The following FGF18 variants were observed in gnomAD, a reference collection of about 807,000 sequenced individuals.
The protein encoded by FGF18 is fibroblast growth factor 18.
In FGF18, 5 loss-of-function variants were observed where a neutral mutation model predicts 23.0. That is an observed-to-expected ratio of 0.22 (90% CI 0.11 to 0.46). The LOEUF is 0.46. FGF18 is among the 20% of genes least tolerant of loss of function. The pLI is 0.99. For synonymous variants in FGF18, 117 were observed against 118.9 expected, an observed-to-expected ratio of 0.98 and a Z score of 0.10; for missense variants, 180 against 291.6, an observed-to-expected ratio of 0.62 and a Z score of 2.79.
chr5:171,420,513 GC>G, intron 2 of FGF18, 70 bp downstream of exon 2: 1 of 1,458,114 alleles, frequency 6.9e-7, no homozygotes. Context: ...CCCTTCCCCG[GC>G]CGCGCCCCCT....
chr5:171,449,838 C>T lies in FGF18; in HGVS notation c.357+585C>T, dbSNP rs1221835453. On this transcript the variant is annotated intron_variant, in intron 4 of 4. Transcript: ENST00000274625. The stretch of plus-strand genomic sequence containing the variant: ...TAGGGTGGGGGCAGGAGTGGGGGTG[C>T]AGGTTGGGGGGACCCTCGGGTTGGG... Among the ~76,000 whole-genome samples, 16 of 86,562 alleles carry T rather than the reference C, an allele frequency of 1.8e-4. No individual in the cohort carries two copies. In the East Asian group the frequency reaches 4.4e-3, roughly 24 times the overall value. 56.8% of individuals were successfully genotyped at this position (86,562 alleles called of 152,430 possible).
chr5:171,444,059 T>TC (rs5873259), intron 3 of FGF18, among the ~76,000 whole-genome samples: 82,375 of 151,764 alleles, frequency 0.54, 22,466 homozygotes, highest in South Asian at 0.6. Flanking sequence ...CCTGAGGGTT[T>TC]CCCATCTCCC....
In FGF18 at chr5:171,436,168, C is replaced by T. The variant is rs1772242697; in HGVS notation, c.145C>T (p.Arg49Cys). The T allele has an allele frequency of 5.0e-6, 8 of 1,607,436 alleles. No homozygotes were observed. The highest frequency in any genetic ancestry group is 1.3e-5 in the African/African-American group (1 of 74,698). ...NQTRARDDVS[R>C]KQLRLYQLYS... ...GACGCGGGCTCGGGACGATGTGAGC[C>T]GTAAGCAGCTGCGGCTGTACCAGCT... is the stretch of plus-strand genomic sequence containing the variant. The change falls in exon 3 of 5, where the codon CGT (arginine) becomes TGT (cysteine). Residue 49 changes from arginine (R) to cysteine (C), a missense_variant. This residue lies in a region of FGF18 where 83 missense variants were observed against 190.4 expected (regional missense o/e 0.44). Coordinates refer to ENST00000274625, the MANE Select transcript of FGF18 (RefSeq NM_003862.3). This position sits in a 1 kb window ranked among gnomAD's most constrained non-coding sequence, Gnocchi z 4.4.
At chr5:171,438,904 G>A (rs555609501) in intron 3 of FGF18, among the ~76,000 whole-genome samples, 126 of 151,992 alleles carry the variant, frequency 8.3e-4, no homozygotes, top group Non-Finnish European at 1.7e-3. Flanking sequence ...TCAGGGGGAG[G>A]GGCTGCCAGA....
At position 171,427,833 on chromosome 5, in the gene FGF18, C is replaced by T. The variant is rs183807378; in HGVS notation, c.69+7390C>T. On this transcript the variant is annotated intron_variant, in intron 2 of 4. Coordinates refer to ENST00000274625, the MANE Select transcript of FGF18 (RefSeq NM_003862.3). ...CCCATCCCACCTTCTGCCTTGGAAT[C>T]GCATAGCGCTTGGCCACTGTCTTTG... 2.5e-3 allele frequency among the ~76,000 whole-genome samples: 382 copies of T among 152,336 alleles called. 2 individuals carry two copies. The highest frequency in any genetic ancestry group is 6.8e-3 in the South Asian group (33 of 4,832).
intron 3 of FGF18, among the ~76,000 whole-genome samples, chr5:171,444,082 A>G (rs1483876641): frequency 6.6e-6 from 1 of 152,032 alleles, no homozygotes; most frequent in Non-Finnish European, 1.5e-5. Context: ...TATCAAAGGT[A>G]TCTTTCTCAG....
At chr5:171,420,334 G>C (rs1480776270) in intron 1 of FGF18, 73 bp from the exon 2 acceptor site, 34 of 1,606,270 alleles carry the variant, frequency 2.1e-5, no homozygotes, top group Non-Finnish European at 2.7e-5. Context: ...CTGACTCTTC[G>C]ACTGCGTGTC....
intron 3 of FGF18, among the ~76,000 whole-genome samples, chr5:171,447,441 C>T (rs1295680610): frequency 6.6e-6 from 1 of 152,238 alleles, no homozygotes; most frequent in Non-Finnish European, 1.5e-5. Context: ...GTGCCCACCG[C>T]CATCTCAGCG....
chr5:171,430,477 A>G (rs1244609063), intron 2 of FGF18, among the ~76,000 whole-genome samples: 1 of 151,902 alleles, frequency 6.6e-6, no homozygotes, highest in African/African-American at 2.4e-5. Context: ...TGCCTGATTA[A>G]GAAACAAAAC....
chr5:171,449,396 TGTGTGAGAGAGA>T (rs1561890755), intron 4 of FGF18, 143 bp downstream of exon 4: 4 of 522,450 alleles, frequency 7.7e-6, no homozygotes, highest in Non-Finnish European at 1.4e-5. Context: ...TGTGTGTGTG[TGTGTGAGAGAGA>T]GAGAGAGAGA....
At chr5:171,450,266 G>T (rs1772478932) in intron 4 of FGF18, among the ~76,000 whole-genome samples, 1 of 152,160 alleles carries the variant, frequency 6.6e-6, no homozygotes, top group Non-Finnish European at 1.5e-5. Context: ...AATCCCCCAA[G>T]TCTTATCCCT....
chr5:171,449,360 CGTGTGTGTGTGTGTGTGTGT>C (rs56932885), intron 4 of FGF18, 107 bp downstream of exon 4: 36 of 187,208 alleles, frequency 1.9e-4, no homozygotes, highest in African/African-American at 9.0e-4. Flanking sequence ...GAAAACAGGC[CGTGTGTGTGTGTGTGTGTGT>C]GTGTGTGTGT....
rs568168580 is a variant in FGF18 at position 171,424,794 on chromosome 5, G to C, written c.69+4351G>C. On this transcript the variant is annotated intron_variant, in intron 2 of 4. Transcript: ENST00000274625. ...CCCAGAGTTAGAGGGGGGTACTTGG[G>C]GGCTGGGGCCCAGAGGATTCAGCAC... 4.3e-3 allele frequency among the ~76,000 whole-genome samples: 647 copies of C among 151,670 alleles called. 2 individuals are homozygous for C. The highest frequency in any genetic ancestry group is 0.015 in the African/African-American group (622 of 41,296).
chr5:171,440,304 T>C lies in FGF18; in HGVS notation c.250+4031T>C, dbSNP rs898811239. On this transcript the variant is annotated intron_variant, in intron 3 of 4. Coordinates refer to ENST00000274625, the MANE Select transcript of FGF18 (RefSeq NM_003862.3). The surrounding 1 kb of genome is among the most constrained non-coding windows in gnomAD (Gnocchi z 4.0). ...GCTCCAGAGGCTTCCAGAAAGGACC[T>C]GAGGGAAGAAGCGGTACTCCTGTCT... 2.0e-5 allele frequency among the ~76,000 whole-genome samples: 3 copies of C among 152,128 alleles called. No homozygotes were observed. Among genetic ancestry groups the C allele is most frequent in the Non-Finnish European group, 4.4e-5 (3 of 68,008 alleles).
intron 2 of FGF18, among the ~76,000 whole-genome samples, chr5:171,427,152 A>G (rs1438686463): frequency 6.6e-6 from 1 of 151,506 alleles, no homozygotes; most frequent in African/African-American, 2.4e-5. Flanking sequence ...GGTTGCGGTG[A>G]GCCAAGATCA....
intron 3 of FGF18, among the ~76,000 whole-genome samples, chr5:171,447,326 G>C (rs1772431394): frequency 1.3e-5 from 2 of 152,110 alleles, no homozygotes; most frequent in African/African-American, 4.8e-5. Flanking sequence ...CGAAGAGATG[G>C]AGAAAGCAAG....
chr5:171,443,500 C>CTTTTTTTT (rs766926286), intron 3 of FGF18, among the ~76,000 whole-genome samples: 6,519 of 69,650 alleles, frequency 0.094, 1,011 homozygotes, highest in Non-Finnish European at 0.11. Flanking sequence ...CTGTTATCAT[C>CTTTTTTTT]ATTTTTTTTT....
intron 2 of FGF18, among the ~76,000 whole-genome samples, chr5:171,424,775 G>A (rs965154871): frequency 1.3e-5 from 2 of 148,820 alleles, no homozygotes; most frequent in Admixed American, 1.3e-4. Flanking sequence ...GGGTCCCAGA[G>A]TTAGAGGGGG....
intron 3 of FGF18, among the ~76,000 whole-genome samples, chr5:171,446,143 G>A (rs1459525784): frequency 3.3e-5 from 5 of 152,206 alleles, no homozygotes; most frequent in African/African-American, 9.6e-5. Flanking sequence ...TCACTCCATC[G>A]CATGCTGCGG....
Sources: allele counts gnomAD v4.1 joint callset (sites outside exome capture counted in the v4.1 genomes callset), GRCh38; gene constraint gnomAD v4.1.1; regional missense constraint gnomAD v4.1.1; non-coding constraint Gnocchi (gnomAD v3.1); transcripts MANE v1.5; gene names NCBI Gene and HGNC (gene_info 2026-07-23, HGNC 2026-07-21).